The following AP3B1 variants were observed in gnomAD, a reference collection of about 807,000 sequenced individuals.
The protein encoded by AP3B1 is adaptor related protein complex 3 subunit beta 1, also known as AP-3 complex subunit beta-1.
Under a neutral mutation model 132.5 loss-of-function variants are expected in AP3B1, and 61 were observed. The observed-to-expected ratio is 0.46, with a 90% confidence interval of 0.37 to 0.57. AP3B1 has a LOEUF of 0.57. Among genes scored for constraint, AP3B1 ranks in the 20% least tolerant of loss-of-function variants. AP3B1 has a pLI of 0.00. For missense variants in AP3B1, 1,120 were observed against 1,289.4 expected (o/e 0.87, Z 2.01); for synonymous variants, 388 against 438.3 (o/e 0.89, Z 1.43).
chr5:78,044,436 CACAA>C (rs1028116443), intron 22 of AP3B1, among the ~76,000 whole-genome samples: 1 of 152,060 alleles, frequency 6.6e-6, no homozygotes, highest in African/African-American at 2.4e-5. Flanking sequence ...TACATTGTTC[CACAA>C]ACATATTTGT....
chr5:78,000,686 A>G (rs1274261772), downstream of AP3B1: 1 of 152,242 alleles, frequency 6.6e-6, no homozygotes, highest in Non-Finnish European at 1.5e-5. Context: ...AGATTGGTGT[A>G]CATAAAATGT....
intron 20 of AP3B1, among the ~76,000 whole-genome samples, chr5:78,101,698 C>G (rs1323296730): frequency 6.6e-6 from 1 of 152,052 alleles, no homozygotes; most frequent in Non-Finnish European, 1.5e-5. Flanking sequence ...ATTCGGTCTA[C>G]TGTACTTACA....
chr5:78,265,795 G>A (rs367864593), intron 2 of AP3B1, among the ~76,000 whole-genome samples: 8 of 152,136 alleles, frequency 5.3e-5, no homozygotes, highest in African/African-American at 1.9e-4. Context: ...TCTTAAAAAC[G>A]TGTAATGTCA....
At chr5:78,127,769 A>G (rs552660872) in intron 17 of AP3B1, among the ~76,000 whole-genome samples, 41 of 152,310 alleles carry the variant, frequency 2.7e-4, no homozygotes, top group African/African-American at 9.9e-4. Context: ...TACAAATGCA[A>G]TAGCACAAAT....
chr5:78,261,755 C>CA (rs1748103232), intron 2 of AP3B1, among the ~76,000 whole-genome samples: 2 of 97,710 alleles, frequency 2.0e-5, no homozygotes, highest in Non-Finnish European at 4.7e-5. Context: ...CATGAGCCAC[C>CA]GGTTGTTGTT....
intron 22 of AP3B1, among the ~76,000 whole-genome samples, chr5:78,066,692 T>C (rs759390173): frequency 1.4e-4 from 22 of 152,160 alleles, no homozygotes; most frequent in Non-Finnish European, 1.8e-4. Flanking sequence ...CTATGAATGA[T>C]TGGGGTACCT....
intron 17 of AP3B1, among the ~76,000 whole-genome samples, chr5:78,119,747 C>T (rs897750173): frequency 7.2e-5 from 11 of 152,152 alleles, no homozygotes; most frequent in East Asian, 3.9e-4. Context: ...TAGAATGGAA[C>T]CAAGTGGGAA....
intron 6 of AP3B1, among the ~76,000 whole-genome samples, chr5:78,217,053 C>T (rs1009089687): frequency 6.6e-6 from 1 of 152,130 alleles, no homozygotes; most frequent in East Asian, 1.9e-4. Context: ...GCAGTTAGCC[C>T]ACAATATAAT....
chr5:78,231,362 T>C (rs757829910), intron 3 of AP3B1, among the ~76,000 whole-genome samples: 1 of 151,912 alleles, frequency 6.6e-6, no homozygotes, highest in African/African-American at 2.4e-5. Flanking sequence ...TTAGTAGAGA[T>C]GGGGTTTCAC....
chr5:78,118,924 C>T lies in AP3B1; in HGVS notation c.1969-2690G>A, dbSNP rs559494872. 2.6e-5 allele frequency among the ~76,000 whole-genome samples: 4 copies of T among 152,230 alleles called. 1 individual carries two copies. Among genetic ancestry groups the T allele is most frequent in the Admixed American group, 6.5e-5 (1 of 15,288 alleles). On this transcript the variant is annotated intron_variant, in intron 17 of 26. Coordinates refer to ENST00000255194, the MANE Select transcript of AP3B1 (RefSeq NM_003664.5). Reference sequence around the variant, plus strand: ...AGCAGCCTAACTGGGAGGCACCCCCCAGTAGGGGTAGACTGACACCTCACA... The same window carrying T: ...AGCAGCCTAACTGGGAGGCACCCCCTAGTAGGGGTAGACTGACACCTCACA...
chr5:78,206,215 G>A (rs1745499394), intron 7 of AP3B1, among the ~76,000 whole-genome samples: 1 of 151,940 alleles, frequency 6.6e-6, no homozygotes, highest in African/African-American at 2.4e-5. Flanking sequence ...CAATGTATCA[G>A]GCCTTCCTCA....
chr5:78,097,765 C>T (rs1452915469), intron 21 of AP3B1, among the ~76,000 whole-genome samples: 5 of 152,106 alleles, frequency 3.3e-5, no homozygotes, highest in South Asian at 2.1e-4. Context: ...GCCACCACCC[C>T]GTCTGGGAGG....
At chr5:78,193,094 A>G (rs1416997885) in intron 7 of AP3B1, among the ~76,000 whole-genome samples, 1 of 152,190 alleles carries the variant, frequency 6.6e-6, no homozygotes, top group Non-Finnish European at 1.5e-5. Context: ...ATATTTTTAT[A>G]TTGTGTTTAA....
chr5:78,090,784 A>G (rs561962786), intron 21 of AP3B1, among the ~76,000 whole-genome samples: 7 of 152,286 alleles, frequency 4.6e-5, no homozygotes, highest in African/African-American at 1.4e-4. Context: ...CCTAAAGGGA[A>G]TAACATTTAG....
chr5:78,114,458 T>G (rs1751734420), intron 18 of AP3B1, among the ~76,000 whole-genome samples: 1 of 152,148 alleles, frequency 6.6e-6, no homozygotes, highest in Non-Finnish European at 1.5e-5. Flanking sequence ...TATTACTTAT[T>G]CGAGCTAGTA....
chr5:78,198,956 T>C (rs576787485), intron 7 of AP3B1, among the ~76,000 whole-genome samples: 1 of 152,354 alleles, frequency 6.6e-6, no homozygotes, highest in African/African-American at 2.4e-5. Flanking sequence ...ACAAAGGATA[T>C]GCATACTGGT....
In AP3B1 at chr5:78,175,820, G is replaced by A. The variant is rs1561458444; in HGVS notation, c.1059C>T (p.Val353=). 6 of 1,611,108 alleles carry A rather than the reference G, an allele frequency of 3.7e-6. No homozygotes were observed. The highest frequency in any genetic ancestry group is 2.0e-4 in the Middle Eastern group (1 of 5,054). ...TTGACATAGTTGCTATATTTTGTAGGACAATATACTGCACCTCCCTAGAAA... is the reference window on the plus strand; with the variant it reads ...TTGACATAGTTGCTATATTTTGTAGAACAATATACTGCACCTCCCTAGAAA... ...LRSNREVQYI[V]LQNIATMSIQ... Residue 353 remains valine, a synonymous_variant, in exon 10 of 27, where the codon GTC becomes GTT. Coordinates refer to ENST00000255194, the MANE Select transcript of AP3B1 (RefSeq NM_003664.5).
intron 17 of AP3B1, among the ~76,000 whole-genome samples, chr5:78,123,203 G>A (rs1167526980): frequency 6.6e-6 from 1 of 152,064 alleles, no homozygotes; most frequent in African/African-American, 2.4e-5. Flanking sequence ...AATTCAAGAT[G>A]GATTAAAGAC....
intron 1 of AP3B1, among the ~76,000 whole-genome samples, chr5:78,274,199 CA>C (rs1748676495): frequency 1.3e-5 from 2 of 151,256 alleles, no homozygotes; most frequent in South Asian, 4.2e-4. Flanking sequence ...AGAATCCATA[CA>C]AAACAACCAA....
Sources: gnomAD v4.1 joint callset for allele counts (sites outside exome capture counted in the v4.1 genomes callset) on GRCh38, gnomAD v4.1.1 for gene constraint, MANE v1.5 for transcripts, NCBI Gene and HGNC (gene_info 2026-07-23, HGNC 2026-07-21) for gene names.